KMT2A: variants seen among roughly 807,000 people sequenced by gnomAD.
KMT2A encodes lysine methyltransferase 2A, also known as histone-lysine N-methyltransferase 2A.
Under a neutral mutation model 345.3 loss-of-function variants are expected in KMT2A, and 16 were observed. The observed-to-expected ratio is 0.05, with a 90% CI of 0.03 to 0.07. The LOEUF (loss-of-function observed/expected upper bound fraction) is 0.07. Ranked by LOEUF, KMT2A falls within the 10% of genes least tolerant of loss-of-function variation. The pLI is 1.00. For missense variants in KMT2A, 3,272 were observed against 4,841.6 expected, an observed-to-expected ratio of 0.68 and a Z score of 9.62; for synonymous variants, 1,599 against 1,778.6, an observed-to-expected ratio of 0.90 and a Z score of 2.54.
chr11:118,464,375 A>C (rs150130005), intron 1 of KMT2A, among the ~76,000 whole-genome samples: 34 of 152,232 alleles, frequency 2.2e-4, no homozygotes, highest in African/African-American at 8.2e-4. Context: ...ATCTCCACTA[A>C]AAATACAAAA....
At chr11:118,515,682 CTTTTTTTTTT>C (rs11374365) in intron 31 of KMT2A, among the ~76,000 whole-genome samples, 45 of 97,486 alleles carry the variant, frequency 4.6e-4, no homozygotes, top group Admixed American at 2.7e-3. Flanking sequence ...TTTTTCTGTC[CTTTTTTTTTT>C]TTTTTTTTTT....
At chr11:118,492,780 GCTGCTTTCTATGTTAA>G (rs1950346637) in intron 15 of KMT2A, among the ~76,000 whole-genome samples, 1 of 152,158 alleles carries the variant, frequency 6.6e-6, no homozygotes, top group African/African-American at 2.4e-5. Context: ...AGGAAAATTA[GCTGCTTTCTATGTTAA>G]AAGGAACTGA....
At position 118,523,914 on chromosome 11, in the gene KMT2A, C is replaced by T. The variant is rs1239680201; in HGVS notation, c.*1742C>T. ...CACTCCCCTCCTTCCCCTATTGAAG[C>T]TCCTCAAAAGGCTACAGTAATATCT... On this transcript the variant is annotated 3_prime_UTR_variant, in exon 36 of 36. Coordinates refer to ENST00000534358, the MANE Select transcript of KMT2A (RefSeq NM_001197104.2). The T allele has an allele frequency of 5.0e-6, 1 of 201,024 alleles. No homozygotes were observed. Among genetic ancestry groups the T allele is most frequent in the Non-Finnish European group, 1.0e-5 (1 of 97,692 alleles). 12.5% of individuals were successfully genotyped at this position (201,024 alleles called of 1,614,324 possible).
chr11:118,472,236 G>A lies in KMT2A; in HGVS notation c.1077G>A (p.Arg359=). ...GCCCTCGAAGGATTAAGCCAGTTAG[G>A]ATTATTCCTTCTTCAAAAAGGACAG... The part of the protein sequence containing the change: ...RQSPRRIKPV[R]IIPSSKRTDA... Residue 359 remains arginine (R), a synonymous_variant, in exon 3 of 36, where the codon AGG becomes AGA. Transcript: ENST00000534358. 6.2e-7 allele frequency: 1 copy of A among 1,614,032 alleles called. No individual in the cohort carries two copies. The highest frequency in any genetic ancestry group is 1.3e-5 in the African/African-American group (1 of 74,990).
At chr11:118,468,671 G>A in intron 1 of KMT2A, 104 bp from the exon 2 acceptor site, 4 of 818,618 alleles carry the variant, frequency 4.9e-6, no homozygotes, top group South Asian at 1.3e-5. Context: ...ATATATAAAG[G>A]CAACTTTTCC....
chr11:118,514,181 C>A (rs888854664), intron 31 of KMT2A, among the ~76,000 whole-genome samples: 3 of 152,152 alleles, frequency 2.0e-5, no homozygotes, highest in South Asian at 2.1e-4. Context: ...AATCTTCAAC[C>A]CTTACGTATT....
At chr11:118,462,199 C>T (rs1949757446) in intron 1 of KMT2A, among the ~76,000 whole-genome samples, 1 of 152,080 alleles carries the variant, frequency 6.6e-6, no homozygotes, top group Admixed American at 6.6e-5. Flanking sequence ...GGTGACCCAC[C>T]CATCTCTACC....
chr11:118,493,180 G>C lies in KMT2A; in HGVS notation c.5128G>C (p.Asp1710His), dbSNP rs781835522. Reference protein sequence around the residue: ...VSKQDDQQPLDLEGVKRKMDQ... With the variant: ...VSKQDDQQPLHLEGVKRKMDQ... ...CAAACAGGATGATCAGCAGCCTTTAGATCTAGAAGGAGTCAAGAGGAAGAT... is the reference window on the plus strand; with the variant it reads ...CAAACAGGATGATCAGCAGCCTTTACATCTAGAAGGAGTCAAGAGGAAGAT... The change falls in exon 16 of 36, where the codon GAT (aspartate) becomes CAT (histidine). Residue 1710 changes from aspartate (D) to histidine (H), a missense_variant. Transcript: ENST00000534358. This position sits in a 1 kb window ranked among gnomAD's most constrained non-coding sequence, Gnocchi z 5.8. 4 of 1,614,042 alleles carry C rather than the reference G, an allele frequency of 2.5e-6. No individual in the cohort carries two copies. In the African/African-American group the frequency reaches 4.0e-5, roughly 16 times the overall value.
In KMT2A at chr11:118,496,465, T is replaced by C. The variant is rs908060327; in HGVS notation, c.5664+98T>C. 2.7e-6 allele frequency: 2 copies of C among 738,224 alleles called. No individual in the cohort carries two copies. Among genetic ancestry groups the C allele is most frequent in the Non-Finnish European group, 4.7e-6 (2 of 424,132 alleles). The allele number at this position is 738,224 out of a possible 1,614,324, so 45.7% of individuals were successfully genotyped here. A position where few individuals can be genotyped will look rare whatever the true frequency, so the allele number is the denominator to read the frequency against. On this transcript the variant is annotated intron_variant, in intron 20 of 35. Coordinates refer to ENST00000534358, the MANE Select transcript of KMT2A (RefSeq NM_001197104.2). This position sits in a 1 kb window ranked among gnomAD's most constrained non-coding sequence, Gnocchi z 4.7. ...TGATGACTGGGTGCCATTTATTTAA[T>C]GAACTTACTTATAACTTACTAATTT...
Position 118,473,524 on chromosome 11 carries a change from A to G in KMT2A, c.2365A>G (p.Thr789Ala). 6.2e-7 allele frequency: 1 copy of G among 1,614,042 alleles called. No homozygotes were observed. Among genetic ancestry groups the G allele is most frequent in the Non-Finnish European group, 8.5e-7 (1 of 1,180,018 alleles). Reference sequence around the variant, plus strand: ...AAGCATTTCTGTTAGTCCTCTTGCCACTAGTGCCTTAAACCCAACTTTTAC... The same window carrying G: ...AAGCATTTCTGTTAGTCCTCTTGCCGCTAGTGCCTTAAACCCAACTTTTAC... ...SLSISVSPLA[T>A]SALNPTFTFP... The change falls in exon 3 of 36, where the codon ACT (threonine) becomes GCT (alanine). Residue 789 changes from threonine to alanine, a missense_variant. Physicochemically the swap from Thr to Ala is moderately conservative, Grantham distance 58. Transcript: ENST00000534358. The surrounding 1 kb of genome is among the most constrained non-coding windows in gnomAD (Gnocchi z 5.2).
chr11:118,487,116 A>G (rs1330992108), intron 10 of KMT2A, among the ~76,000 whole-genome samples: 3 of 152,166 alleles, frequency 2.0e-5, no homozygotes, highest in Non-Finnish European at 4.4e-5. Context: ...AGAAGTTCAG[A>G]TATCATTGAG....
Position 118,506,143 on chromosome 11 carries a change from C to T in KMT2A, c.10251C>T (p.Thr3417=), listed in dbSNP as rs1950578445. 1 of 1,614,090 alleles carries T rather than the reference C, an allele frequency of 6.2e-7. No individual in the cohort carries two copies. Among genetic ancestry groups the T allele is most frequent in the Non-Finnish European group, 8.5e-7 (1 of 1,180,036 alleles). Residue 3417 remains threonine, a synonymous_variant, in exon 27 of 36, where the codon ACC becomes ACT. Coordinates refer to ENST00000534358, the MANE Select transcript of KMT2A (RefSeq NM_001197104.2). ...GMFPQLGTSQ[T]PSTAAITAAS... ...TTCCACAACTGGGGACATCACAGAC[C>T]CCCTCTACTGCTGCAATAACAGCGG...
At position 118,524,895 on chromosome 11, in the gene KMT2A, T is replaced by C; in HGVS notation, c.*2723T>C. On this transcript the variant is annotated 3_prime_UTR_variant, in exon 36 of 36. Transcript: ENST00000534358. Reference sequence around the variant, plus strand: ...GCCCCTCCTCACTCTCTACCAACCCTAAACCCTGAGGACAGGGGAGGAACC... The same window carrying C: ...GCCCCTCCTCACTCTCTACCAACCCCAAACCCTGAGGACAGGGGAGGAACC... 5.1e-6 allele frequency: 1 copy of C among 194,436 alleles called. No individual in the cohort carries two copies. The highest frequency in any genetic ancestry group is 1.1e-5 in the Non-Finnish European group (1 of 93,108). 12.0% of individuals were successfully genotyped at this position (194,436 alleles called of 1,614,324 possible).
Position 118,519,800 on chromosome 11 carries a change from C to A in KMT2A, c.11321+8C>A. Reference sequence around the variant, plus strand: ...GGCTGAAGTCCACCTCAGGCAAGTTCCCTTCTTTTCTGTCAGCAGTTTTGG... The same window carrying A: ...GGCTGAAGTCCACCTCAGGCAAGTTACCTTCTTTTCTGTCAGCAGTTTTGG... On this transcript the variant is annotated splice_region_variant and intron_variant, in intron 32 of 35. Transcript: ENST00000534358. The A allele has an allele frequency of 6.2e-7, 1 of 1,606,950 alleles. No homozygotes were observed. Among genetic ancestry groups the A allele is most frequent in the Non-Finnish European group, 8.5e-7 (1 of 1,173,936 alleles).
rs1950423743 is a variant in KMT2A at position 118,497,204 on chromosome 11, A to G, written c.5665-732A>G. Among the ~76,000 whole-genome samples the G allele has an allele frequency of 6.6e-6, 1 of 151,590 alleles. No homozygotes were observed. Among genetic ancestry groups the G allele is most frequent in the Non-Finnish European group, 1.5e-5 (1 of 67,912 alleles). ...TTTTTAGTAGAGACGGAGTTTCTCC[A>G]TGTTGGTCAGGCTGGTCTCAAACTC... On this transcript the variant is annotated intron_variant, in intron 20 of 35. Coordinates refer to ENST00000534358, the MANE Select transcript of KMT2A (RefSeq NM_001197104.2). This position sits in a 1 kb window ranked among gnomAD's most constrained non-coding sequence, Gnocchi z 4.8.
intron 23 of KMT2A, among the ~76,000 whole-genome samples, 155 bp downstream of exon 23, chr11:118,499,575 A>G (rs1271660127): frequency 6.6e-6 from 1 of 152,140 alleles, no homozygotes; most frequent in Non-Finnish European, 1.5e-5. Flanking sequence ...CTGGAGGTTC[A>G]GGAGTTGGAG....
At position 118,497,649 on chromosome 11, in the gene KMT2A, C is replaced by T. The variant is rs1403548152; in HGVS notation, c.5665-287C>T. 6.6e-6 allele frequency among the ~76,000 whole-genome samples: 1 copy of T among 152,212 alleles called. No homozygotes were observed. Among genetic ancestry groups the T allele is most frequent in the Non-Finnish European group, 1.5e-5 (1 of 68,042 alleles). On this transcript the variant is annotated intron_variant, in intron 20 of 35. Transcript: ENST00000534358. The surrounding 1 kb of genome is among the most constrained non-coding windows in gnomAD (Gnocchi z 4.8). ...TTGGGCTCAAGCGATCCTACCACTTCAGCCTCCAAAAGTGCTGGGATTACA... is the reference window on the plus strand; with the variant it reads ...TTGGGCTCAAGCGATCCTACCACTTTAGCCTCCAAAAGTGCTGGGATTACA...
At chr11:118,439,447 T>A (rs1949271485) in intron 1 of KMT2A, among the ~76,000 whole-genome samples, 1 of 152,180 alleles carries the variant, frequency 6.6e-6, no homozygotes, top group South Asian at 2.1e-4. Flanking sequence ...CCAATCATAG[T>A]TTTTCAAGAG....
chr11:118,446,851 A>G (rs1555027314), intron 1 of KMT2A, among the ~76,000 whole-genome samples: 1 of 152,204 alleles, frequency 6.6e-6, no homozygotes, highest in Non-Finnish European at 1.5e-5. Flanking sequence ...TCAGATTCTC[A>G]GCGCTGCATG....
Sources: allele counts gnomAD v4.1 joint callset (sites outside exome capture counted in the v4.1 genomes callset), GRCh38; gene constraint gnomAD v4.1.1; non-coding constraint Gnocchi (gnomAD v3.1); transcripts MANE v1.5; gene names NCBI Gene and HGNC (gene_info 2026-07-23, HGNC 2026-07-21).